RBM11: variants seen among roughly 807,000 people sequenced by gnomAD.
The protein encoded by RBM11 is splicing regulator RBM11.
Under a neutral mutation model 21.4 loss-of-function variants are expected in RBM11, and 18 were observed. That is an observed-to-expected ratio of 0.84 (90% CI 0.58 to 1.25). The LOEUF (loss-of-function observed/expected upper bound fraction) is 1.25. RBM11 is among the 50% of genes most tolerant of loss of function. The probability of loss-of-function intolerance (pLI) is 0.00; values close to 1 mark genes in which losing one functional copy is unlikely to be tolerated. For synonymous variants in RBM11, 120 were observed against 116.3 expected (o/e 1.03, Z -0.20); for missense variants, 294 against 331.9 (o/e 0.89, Z 0.89).
rs1355075677 is a variant in RBM11 at position 14,227,220 on chromosome 21, G to T, written c.773G>T (p.Ser258Ile). The T allele has an allele frequency of 6.2e-7, 1 of 1,613,998 alleles. No homozygotes were observed. Among genetic ancestry groups the T allele is most frequent in the African/African-American group, 1.3e-5 (1 of 75,060 alleles). The stretch of plus-strand genomic sequence containing the variant: ...CAAAAGCAAACAAGTGATAGTGATA[G>T]TAGCACAGACAACAACAGAGGCAAC... ...KRQKQTSDSD[S>I]STDNNRGNEC... is the part of the protein sequence containing the mutation. The change falls in exon 5 of 5, where the codon AGT becomes ATT. Residue 258 changes from serine to isoleucine, a missense_variant. Transcript: ENST00000400577.
intron 3 of RBM11, among the ~76,000 whole-genome samples, chr21:14,222,316 TAGAG>T (rs200321503): frequency 6.6e-6 from 1 of 152,000 alleles, no homozygotes; most frequent in Non-Finnish European, 1.5e-5. Context: ...TACTTATATA[TAGAG>T]AGAGAAGTAT....
At chr21:14,218,874 T>C (rs1054882908) in intron 1 of RBM11, among the ~76,000 whole-genome samples, 3 of 152,146 alleles carry the variant, frequency 2.0e-5, no homozygotes, top group African/African-American at 7.2e-5. Flanking sequence ...ATTATAGGTT[T>C]TTCTATCAAT....
At chr21:14,224,076 T>C (rs966190744) in intron 3 of RBM11, among the ~76,000 whole-genome samples, 4 of 152,210 alleles carry the variant, frequency 2.6e-5, no homozygotes, top group African/African-American at 9.7e-5. Flanking sequence ...ACAGGTATTG[T>C]GTTATAACAA....
intron 1 of RBM11, 75 bp from the exon 2 acceptor site, chr21:14,219,488 A>G (rs1978472186): frequency 1.7e-6 from 2 of 1,147,956 alleles, no homozygotes; most frequent in African/African-American, 1.6e-5. Context: ...TCTTTAGTCT[A>G]AAGTTGAATT....
chr21:14,216,502 G>T (rs560210642), intron 1 of RBM11, among the ~76,000 whole-genome samples: 36 of 152,260 alleles, frequency 2.4e-4, no homozygotes, highest in Admixed American at 1.6e-3. Flanking sequence ...CTGGGGTTGG[G>T]CAGGGACGTG....
intron 1 of RBM11, among the ~76,000 whole-genome samples, chr21:14,219,106 ATATT>A (rs1365446335): frequency 6.6e-6 from 1 of 152,184 alleles, no homozygotes; most frequent in Non-Finnish European, 1.5e-5. Context: ...TCTTGAAAAG[ATATT>A]TAATCTTCAT....
At position 14,224,497 on chromosome 21, in the gene RBM11, A is replaced by C; in HGVS notation, c.392A>C (p.Asn131Thr). 2 of 1,559,410 alleles carry C rather than the reference A, an allele frequency of 1.3e-6. No individual in the cohort carries two copies. Residue 131 changes from asparagine to threonine, a missense_variant, in exon 4 of 5, where the codon AAT becomes ACT. Transcript: ENST00000400577. Reference sequence around the variant, plus strand: ...CCCATGCAGTATTTTCCAATTAATAATACTTCTTTACCTCAAGAATATTTT... The same window carrying C: ...CCCATGCAGTATTTTCCAATTAATACTACTTCTTTACCTCAAGAATATTTT... ...SFPMQYFPIN[N>T]TSLPQEYFLF...
rs1284105635 is a variant in RBM11, at chr21:14,216,175, C to G, written c.-12C>G. The G allele has an allele frequency of 1.9e-6, 3 of 1,609,050 alleles. No individual in the cohort carries two copies. The highest frequency in any genetic ancestry group is 2.5e-6 in the Non-Finnish European group (3 of 1,176,536). On this transcript the variant is annotated 5_prime_UTR_variant, in exon 1 of 5. Coordinates refer to ENST00000400577, the MANE Select transcript of RBM11 (RefSeq NM_144770.5). ...CTCAGCTCCTACTTCATTCTACGGC[C>G]GAGACCGGAGGATGTTCCCTGCTCA...
rs760922662 is a variant in RBM11, at chr21:14,227,269, G to A, written c.822G>A (p.Lys274=). 6.2e-7 allele frequency: 1 copy of A among 1,611,918 alleles called. No homozygotes were observed. The highest frequency in any genetic ancestry group is 1.7e-5 in the Admixed American group (1 of 59,606). The change falls in exon 5 of 5, where the codon AAG becomes AAA. Residue 274 remains lysine, a synonymous_variant. Coordinates refer to ENST00000400577, the MANE Select transcript of RBM11 (RefSeq NM_144770.5). The part of the protein sequence containing the change: ...RGNECSQKFR[K]SKKKKRY ...ACGAATGTAGCCAAAAGTTCCGAAA[G>A]TCTAAGAAGAAGAAAAGATACTAGT...
In RBM11 at chr21:14,227,108, G is replaced by T. The variant is rs112890449; in HGVS notation, c.661G>T (p.Asp221Tyr). 6.3e-7 allele frequency: 1 copy of T among 1,586,196 alleles called. No homozygotes were observed. Among genetic ancestry groups the T allele is most frequent in the Non-Finnish European group, 8.5e-7 (1 of 1,170,728 alleles). ...SVSSSLNHVP[D>Y]LEAGPSSYKW... Reference sequence around the variant, plus strand: ...GTCTTCCTCACTGAATCATGTTCCAGATCTTGAGGCTGGACCCAGCTCATA... The same window carrying T: ...GTCTTCCTCACTGAATCATGTTCCATATCTTGAGGCTGGACCCAGCTCATA... Residue 221 changes from aspartate (D) to tyrosine (Y), a missense_variant, in exon 5 of 5, where the codon GAT becomes TAT. Coordinates refer to ENST00000400577, the MANE Select transcript of RBM11 (RefSeq NM_144770.5).
intron 4 of RBM11, among the ~76,000 whole-genome samples, chr21:14,225,318 G>A (rs984593342): frequency 2.0e-5 from 3 of 152,136 alleles, no homozygotes; most frequent in African/African-American, 2.4e-5. Flanking sequence ...GGATATCATA[G>A]CAATGAAGAT....
chr21:14,216,644 A>C lies in RBM11; in HGVS notation c.96+362A>C, dbSNP rs141333891. 2.1e-3 allele frequency among the ~76,000 whole-genome samples: 313 copies of C among 152,128 alleles called. 1 individual carries two copies. In the Middle Eastern group the frequency reaches 0.024, roughly 12 times the overall value. ...AGTAAGCACGCCTGACATCCCCCAA[A>C]AGGAGAGGGGTCGCTTTTATAATGT... is the stretch of plus-strand genomic sequence containing the variant. On this transcript the variant is annotated intron_variant, in intron 1 of 4. Transcript: ENST00000400577.
At chr21:14,219,079 A>T (rs894778641) in intron 1 of RBM11, among the ~76,000 whole-genome samples, 2 of 152,182 alleles carry the variant, frequency 1.3e-5, no homozygotes, top group African/African-American at 4.8e-5. Flanking sequence ...ATCAAAATGC[A>T]TGATAAATTT....
At chr21:14,222,606 T>C (rs1187127684) in intron 3 of RBM11, among the ~76,000 whole-genome samples, 3 of 152,074 alleles carry the variant, frequency 2.0e-5, no homozygotes, top group African/African-American at 7.2e-5. Flanking sequence ...TCTACATCAG[T>C]GAAATGAGAA....
chr21:14,226,863 A>T lies in RBM11; in HGVS notation c.433-17A>T, dbSNP rs758991020. The T allele has an allele frequency of 6.3e-7, 1 of 1,585,372 alleles. No individual in the cohort carries two copies. ...CTTTTGGATTTGTTTTGGTAGATGA[A>T]TGTCTTGTTTTCACAGCAGTGGCAT... On this transcript the variant is annotated splice_polypyrimidine_tract_variant and intron_variant, in intron 4 of 4. Transcript: ENST00000400577.
chr21:14,216,928 G>A (rs2020459217), intron 1 of RBM11, among the ~76,000 whole-genome samples: 1 of 152,110 alleles, frequency 6.6e-6, no homozygotes, highest in Admixed American at 6.5e-5. Flanking sequence ...GGTATCACTT[G>A]CCAAAAAGAT....
Position 14,216,158 on chromosome 21 carries a change from C to G in RBM11, c.-29C>G, listed in dbSNP as rs777845222. 1.9e-6 allele frequency: 3 copies of G among 1,590,352 alleles called. No individual in the cohort carries two copies. Among genetic ancestry groups the G allele is most frequent in the Non-Finnish European group, 2.6e-6 (3 of 1,162,016 alleles). ...CGGAGAAGGGGCGGGGTCTCAGCTCCTACTTCATTCTACGGCCGAGACCGG... is the reference window on the plus strand; with the variant it reads ...CGGAGAAGGGGCGGGGTCTCAGCTCGTACTTCATTCTACGGCCGAGACCGG... On this transcript the variant is annotated 5_prime_UTR_variant, in exon 1 of 5. Coordinates refer to ENST00000400577, the MANE Select transcript of RBM11 (RefSeq NM_144770.5).
chr21:14,217,232 T>C (rs189625125), intron 1 of RBM11, among the ~76,000 whole-genome samples: 1 of 152,316 alleles, frequency 6.6e-6, no homozygotes, highest in East Asian at 1.9e-4. Flanking sequence ...ATAATGTGGC[T>C]ATCGGAATAT....
intron 3 of RBM11, 104 bp downstream of exon 3, chr21:14,221,273 C>A: frequency 7.9e-7 from 1 of 1,260,362 alleles, no homozygotes; most frequent in Non-Finnish European, 1.0e-6. Flanking sequence ...CTTTTTAGGC[C>A]TAGGATAAAA....
Sources: gnomAD v4.1 joint callset for allele counts (sites outside exome capture counted in the v4.1 genomes callset) on GRCh38, gnomAD v4.1.1 for gene constraint, MANE v1.5 for transcripts, NCBI Gene and HGNC (gene_info 2026-07-23, HGNC 2026-07-21) for gene names.